NIPAL1: variants seen among roughly 807,000 people sequenced by gnomAD.
NIPAL1 encodes the protein NIPA like domain containing 1.
NIPAL1 carries 35 observed loss-of-function variants against 37.7 expected under a neutral mutation model. That is an observed-to-expected ratio of 0.93 (90% confidence interval 0.71 to 1.23). The LOEUF (loss-of-function observed/expected upper bound fraction) is 1.23. NIPAL1 is among the 50% of genes most tolerant of loss of function. The pLI, the probability that NIPAL1 is intolerant of heterozygous loss-of-function variation, is 0.00. For missense variants in NIPAL1, 412 were observed against 473.9 expected (o/e 0.87, Z 1.21); for synonymous variants, 162 against 183.0 (o/e 0.89, Z 0.93).
chr4:48,024,404 G>A (rs928404290), intron 1 of NIPAL1, among the ~76,000 whole-genome samples: 2 of 151,832 alleles, frequency 1.3e-5, no homozygotes, highest in African/African-American at 2.4e-5. Context: ...TCAGCCTCCC[G>A]AGTAGCTTGG....
At chr4:48,021,639 AAC>A (rs1440725892) in intron 1 of NIPAL1, among the ~76,000 whole-genome samples, 1 of 152,154 alleles carries the variant, frequency 6.6e-6, no homozygotes, top group Admixed American at 6.6e-5. Flanking sequence ...AATTCTCTAG[AAC>A]AGTGGGGAAA....
Position 48,035,742 on chromosome 4 carries a change from A to C in NIPAL1, c.803A>C (p.Lys268Thr). 6.2e-7 allele frequency: 1 copy of C among 1,614,204 alleles called. No homozygotes were observed. Among genetic ancestry groups the C allele is most frequent in the Non-Finnish European group, 8.5e-7 (1 of 1,180,006 alleles). ...GCCATTAAGGAGCTGATAGAATGGA[A>C]GCCAGTTTACAAACATCCGCTGGTC... Reference protein sequence around the residue: ...GIAIKELIEWKPVYKHPLVFV... With the variant: ...GIAIKELIEWTPVYKHPLVFV... Residue 268 changes from lysine to threonine, a missense_variant, in exon 6 of 6, where the codon AAG (lysine) becomes ACG (threonine). Coordinates refer to ENST00000295461, the MANE Select transcript of NIPAL1 (RefSeq NM_207330.3).
intron 1 of NIPAL1, among the ~76,000 whole-genome samples, chr4:48,018,173 G>A (rs927488426): frequency 5.3e-5 from 8 of 152,144 alleles, no homozygotes; most frequent in Non-Finnish European, 1.2e-4. Flanking sequence ...TAAGGCAGCT[G>A]AATCTAGAAT....
intron 1 of NIPAL1, among the ~76,000 whole-genome samples, chr4:48,018,187 T>G (rs1385542089): frequency 2.0e-5 from 3 of 152,172 alleles, no homozygotes; most frequent in Non-Finnish European, 2.9e-5. Context: ...CTAGAATTAT[T>G]TCCTAGAGAG....
At chr4:48,028,319 C>T (rs1715737314) in intron 2 of NIPAL1, among the ~76,000 whole-genome samples, 1 of 151,952 alleles carries the variant, frequency 6.6e-6, no homozygotes, top group Non-Finnish European at 1.5e-5. Context: ...ATAATATACG[C>T]TAGGGAACGG....
chr4:48,028,180 A>G (rs1211046471), intron 2 of NIPAL1, among the ~76,000 whole-genome samples: 2 of 152,186 alleles, frequency 1.3e-5, no homozygotes, highest in South Asian at 2.1e-4. Flanking sequence ...AAATTATACT[A>G]TAAGGCTATC....
rs1238362746 is a variant in NIPAL1 at position 48,016,817 on chromosome 4, T to A, written c.-23T>A. 1.9e-6 allele frequency: 3 copies of A among 1,561,880 alleles called. No individual in the cohort carries two copies. Among genetic ancestry groups the A allele is most frequent in the Non-Finnish European group, 2.6e-6 (3 of 1,158,978 alleles). ...CCAGGTGAGGAGCAAGCGCCCGCGT[T>A]CCGGAAGCCCGCTCCCGGGGCCATG... On this transcript the variant is annotated 5_prime_UTR_variant, in exon 1 of 6. Coordinates refer to ENST00000295461, the MANE Select transcript of NIPAL1 (RefSeq NM_207330.3).
At chr4:48,029,813 A>T (rs1207460424) in intron 2 of NIPAL1, among the ~76,000 whole-genome samples, 1 of 152,112 alleles carries the variant, frequency 6.6e-6, no homozygotes, top group Non-Finnish European at 1.5e-5. Flanking sequence ...GTGAAGAAAT[A>T]ATCATTCCAG....
At position 48,033,067 on chromosome 4, in the gene NIPAL1, T is replaced by C. The variant is rs988055655; in HGVS notation, c.445T>C (p.Leu149=). ...CACCTTGGTCACCCCTCTGGGTGCT[T>C]TGAGTGTTCTCATAAGGTATGTGAG... The part of the protein sequence containing the change: ...PATLVTPLGA[L]SVLISAILSS... The change falls in exon 4 of 6, where the codon TTG becomes CTG. Residue 149 remains leucine (L), a synonymous_variant. Transcript: ENST00000295461. The C allele has an allele frequency of 6.2e-7, 1 of 1,612,360 alleles. No homozygotes were observed. Among genetic ancestry groups the C allele is most frequent in the Non-Finnish European group, 8.5e-7 (1 of 1,178,420 alleles).
intron 1 of NIPAL1, among the ~76,000 whole-genome samples, chr4:48,022,476 C>T (rs866646782): frequency 6.6e-6 from 1 of 152,158 alleles, no homozygotes; most frequent in East Asian, 1.9e-4. Context: ...TGCTCCCACA[C>T]CCCCTACAAT....
chr4:48,016,998 G>A, intron 1 of NIPAL1, 113 bp downstream of exon 1: 1 of 850,040 alleles, frequency 1.2e-6, no homozygotes. Flanking sequence ...GACTCTAAAC[G>A]TAGTCGTTCA....
chr4:48,036,091 TTA>T lies in NIPAL1; in HGVS notation c.1154_1155del (p.Tyr385CysfsTer15), dbSNP rs1491524143. On this transcript the variant is annotated frameshift_variant, in exon 6 of 6. Coordinates refer to ENST00000295461, the MANE Select transcript of NIPAL1 (RefSeq NM_207330.3). LOFTEE classifies it high-confidence loss of function. ...TCTCTCTGAATGTCAATGAAAACAATTATGTTTTACTAGAGAACTTGGAGTGT... is the reference window on the plus strand; with the variant it reads ...TCTCTCTGAATGTCAATGAAAACAATTGTTTTACTAGAGAACTTGGAGTGT... The part of the protein sequence containing the change: ...AVSLNVNENN[Y>X]VLLENLECSA... 1.9e-6 allele frequency: 3 copies of T among 1,608,828 alleles called. No individual in the cohort carries two copies. Among genetic ancestry groups the T allele is most frequent in the Admixed American group, 3.4e-5 (2 of 58,586 alleles).
At position 48,025,111 on chromosome 4, in the gene NIPAL1, G is replaced by T. The variant is rs553817765; in HGVS notation, c.90G>T (p.Trp30Cys). ...TCTGTCCAAACTCCTCCCAGGCTTG[G>T]TGTGAGATCACAAATGTGTCACAGC... ...SLVCPNSSQA[W>C]CEITNVSQLL... Residue 30 changes from tryptophan to cysteine, a missense_variant, in exon 2 of 6, where the codon TGG becomes TGT. Physicochemically the swap from Trp to Cys is radical, Grantham distance 215 (BLOSUM62 -2). Transcript: ENST00000295461. 122 of 1,613,934 alleles carry T rather than the reference G, an allele frequency of 7.6e-5. 1 individual carries two copies. The South Asian group carries it at 1.3e-3, about 17-fold the overall frequency.
chr4:48,037,410 A>T lies in NIPAL1; in HGVS notation c.*1238A>T. On this transcript the variant is annotated 3_prime_UTR_variant, in exon 6 of 6. Transcript: ENST00000295461. Reference sequence around the variant, plus strand: ...TTCTTTTACTATTATCCTAAAGGTTATTTTTCTTGTTGATATAGAGATTTT... The same window carrying T: ...TTCTTTTACTATTATCCTAAAGGTTTTTTTTCTTGTTGATATAGAGATTTT... The T allele has an allele frequency of 4.3e-6, 1 of 234,292 alleles. No individual in the cohort carries two copies. The highest frequency in any genetic ancestry group is 4.6e-5 in the South Asian group (1 of 21,686). The allele number at this position is 234,292 out of a possible 1,614,324, so 14.5% of individuals were successfully genotyped here. A position where few individuals can be genotyped will look rare whatever the true frequency, so the allele number is the denominator to read the frequency against.
At chr4:48,025,029 C>T (rs781769203) in intron 1 of NIPAL1, 39 bp from the exon 2 acceptor site, 2 of 1,586,880 alleles carry the variant, frequency 1.3e-6, no homozygotes, top group East Asian at 4.5e-5. Flanking sequence ...AATACCTCTC[C>T]CTTTCATTCC....
rs1233534211 is a variant in NIPAL1, at chr4:48,038,641, A to G, written c.*2469A>G. 1 of 152,194 alleles carries G rather than the reference A, an allele frequency of 6.6e-6. No homozygotes were observed. The highest frequency in any genetic ancestry group is 1.5e-5 in the Non-Finnish European group (1 of 68,040). The allele number at this position is 152,194 out of a possible 1,614,324, so 9.4% of individuals were successfully genotyped here. ...TATCTTCTGATAAAGTGGCATTTGA[A>G]AATTGCAGAAATTTTAATATTTTTT... On this transcript the variant is annotated 3_prime_UTR_variant, in exon 6 of 6. Coordinates refer to ENST00000295461, the MANE Select transcript of NIPAL1 (RefSeq NM_207330.3).
chr4:48,035,141 G>A (rs1290630170), intron 5 of NIPAL1, 100 bp downstream of exon 5: 1 of 996,968 alleles, frequency 1.0e-6, no homozygotes, highest in Non-Finnish European at 1.5e-6. Flanking sequence ...TCTACATTGT[G>A]GGCCGCATTG....
chr4:48,026,290 C>G (rs1715685316), intron 2 of NIPAL1, among the ~76,000 whole-genome samples: 4 of 152,230 alleles, frequency 2.6e-5, no homozygotes, highest in East Asian at 1.9e-4. Flanking sequence ...ACCTGACTAT[C>G]CCTTCATTAA....
At chr4:48,023,057 TC>T (rs1715610217) in intron 1 of NIPAL1, among the ~76,000 whole-genome samples, 1 of 152,002 alleles carries the variant, frequency 6.6e-6, no homozygotes, top group African/African-American at 2.4e-5. Context: ...ATTCTGGATT[TC>T]TATTTCTTTG....
Sources: gnomAD v4.1 joint callset for allele counts (sites outside exome capture counted in the v4.1 genomes callset) on GRCh38, gnomAD v4.1.1 for gene constraint, MANE v1.5 for transcripts, NCBI Gene and HGNC (gene_info 2026-07-23, HGNC 2026-07-21) for gene names.